Variants in USH2A observed in about 807,000 individuals in gnomAD.
The protein encoded by USH2A is usherin, also known as Usher syndrome 2A (autosomal recessive, mild).
A neutral mutation model predicts 538.9 loss-of-function variants in USH2A; 443 were observed. The observed-to-expected ratio is 0.82, with a 90% CI of 0.76 to 0.89. The LOEUF (loss-of-function observed/expected upper bound fraction) is 0.89. Ranked by LOEUF, USH2A falls within the 40% of genes least tolerant of loss-of-function variation. The pLI is 0.00. For synonymous variants in USH2A, 2,413 were observed against 2,273.5 expected (o/e 1.06, Z -1.75); for missense variants, 6,633 against 6,324.8 (o/e 1.05, Z -1.65).
At chr1:215,871,073 A>G (rs1664613530) in intron 43 of USH2A, among the ~76,000 whole-genome samples, 1 of 152,230 alleles carries the variant, frequency 6.6e-6, no homozygotes, top group Non-Finnish European at 1.5e-5. Context: ...TGATGTAGCC[A>G]GTAAAACCAA....
chr1:216,227,714 G>T (rs2035589569), intron 14 of USH2A, among the ~76,000 whole-genome samples: 1 of 152,168 alleles, frequency 6.6e-6, no homozygotes, highest in South Asian at 2.1e-4. Flanking sequence ...ACATATATCT[G>T]GCTTTATTTT....
chr1:216,383,342 C>T (rs937550585), intron 3 of USH2A, among the ~76,000 whole-genome samples: 13 of 152,056 alleles, frequency 8.5e-5, no homozygotes, highest in Non-Finnish European at 1.8e-4. Flanking sequence ...ATACTCTCAC[C>T]AAATAGAAAG....
intron 47 of USH2A, among the ~76,000 whole-genome samples, chr1:215,833,032 A>C (rs1426581310): frequency 6.6e-6 from 1 of 152,000 alleles, no homozygotes; most frequent in Non-Finnish European, 1.5e-5. Flanking sequence ...ATACTGGATT[A>C]TATAAAACAC....
chr1:216,420,015 A>G (rs1028039534), intron 2 of USH2A, among the ~76,000 whole-genome samples: 15 of 152,170 alleles, frequency 9.9e-5, no homozygotes, highest in African/African-American at 3.6e-4. Flanking sequence ...GATTTAGATG[A>G]CATAAAGGTT....
intron 20 of USH2A, among the ~76,000 whole-genome samples, chr1:216,177,514 C>CA (rs1268234566): frequency 2.0e-5 from 3 of 152,074 alleles, no homozygotes; most frequent in Admixed American, 2.0e-4. Flanking sequence ...CACAACGGTC[C>CA]AGGCAACTAA....
chr1:216,049,766 A>C (rs1374844446), intron 30 of USH2A, among the ~76,000 whole-genome samples: 1 of 152,138 alleles, frequency 6.6e-6, no homozygotes, highest in Non-Finnish European at 1.5e-5. Flanking sequence ...AGCAAAGACC[A>C]GTTCTTTGCT....
At chr1:216,376,370 T>C (rs1177527082) in intron 3 of USH2A, among the ~76,000 whole-genome samples, 1 of 151,970 alleles carries the variant, frequency 6.6e-6, no homozygotes, top group African/African-American at 2.4e-5. Context: ...TAGCAAAGTA[T>C]GAGAATATAG....
At chr1:215,681,948 C>A (rs1658244467) in intron 61 of USH2A, among the ~76,000 whole-genome samples, 1 of 152,128 alleles carries the variant, frequency 6.6e-6, no homozygotes, top group Admixed American at 6.5e-5. Flanking sequence ...ATACTAATTT[C>A]TCTTTTTTAA....
At chr1:216,167,429 A>G (rs2034192649) in intron 21 of USH2A, among the ~76,000 whole-genome samples, 1 of 152,140 alleles carries the variant, frequency 6.6e-6, no homozygotes. Context: ...AAGCATGCGC[A>G]CTAAGAGGCA....
chr1:216,102,513 T>G (rs1054729098), intron 21 of USH2A, among the ~76,000 whole-genome samples: 1 of 152,182 alleles, frequency 6.6e-6, no homozygotes, highest in African/African-American at 2.4e-5. Context: ...TAAGTTATAC[T>G]TGTGGGCCGG....
rs1214250403 is a variant in USH2A at position 216,231,248 on chromosome 1, A to ATT, written c.2993+703_2993+704dup. Among the ~76,000 whole-genome samples the ATT allele has an allele frequency of 2.6e-4, 14 of 54,562 alleles. 1 individual carries two copies. Among genetic ancestry groups the ATT allele is most frequent in the African/African-American group, 7.4e-4 (10 of 13,596 alleles). 35.8% of individuals were successfully genotyped at this position (54,562 alleles called of 152,430 possible). A position where few individuals can be genotyped will look rare whatever the true frequency, so the allele number is the denominator to read the frequency against. On this transcript the variant is annotated intron_variant, in intron 14 of 71. Coordinates refer to ENST00000307340, the MANE Select transcript of USH2A (RefSeq NM_206933.4). Reference sequence around the variant, plus strand: ...ACATATATCCCATATATATATATATATTATATATATAATATATATATATAA... The same window carrying ATT: ...ACATATATCCCATATATATATATATATTTTATATATATAATATATATATATAA...
At chr1:215,940,776 T>A (rs1430015840) in intron 37 of USH2A, among the ~76,000 whole-genome samples, 1 of 152,198 alleles carries the variant, frequency 6.6e-6, no homozygotes, top group African/African-American at 2.4e-5. Flanking sequence ...TTAGTTGTCA[T>A]CTAGTCAAAG....
intron 37 of USH2A, among the ~76,000 whole-genome samples, chr1:215,942,031 G>T (rs967246670): frequency 3.9e-5 from 6 of 152,196 alleles, no homozygotes; most frequent in Admixed American, 2.6e-4. Context: ...TGTGCTCAGG[G>T]TCTCAAAAGA....
chr1:216,040,773 C>T (rs552178280), intron 32 of USH2A, among the ~76,000 whole-genome samples: 2 of 151,772 alleles, frequency 1.3e-5, no homozygotes, highest in Admixed American at 6.6e-5. Flanking sequence ...TTCAATCTTT[C>T]GATTATGTTT....
At chr1:215,793,567 TCA>T (rs2102773013) in intron 50 of USH2A, among the ~76,000 whole-genome samples, 1 of 145,354 alleles carries the variant, frequency 6.9e-6, no homozygotes, top group African/African-American at 2.7e-5. Context: ...ATTACACTTT[TCA>T]AAAAAAAAAT....
chr1:216,182,152 A>G (rs1446578787), intron 20 of USH2A, among the ~76,000 whole-genome samples: 1 of 152,130 alleles, frequency 6.6e-6, no homozygotes, highest in Non-Finnish European at 1.5e-5. Flanking sequence ...GAGAAGAAAG[A>G]TACAGTTTGT....
At chr1:215,853,342 C>T (rs1479818836) in intron 44 of USH2A, among the ~76,000 whole-genome samples, 1 of 152,176 alleles carries the variant, frequency 6.6e-6, no homozygotes, top group Non-Finnish European at 1.5e-5. Context: ...TTAGGCTGCA[C>T]ACAGCATGGG....
intron 52 of USH2A, among the ~76,000 whole-genome samples, chr1:215,784,921 G>A (rs768731533): frequency 1.3e-5 from 2 of 152,106 alleles, no homozygotes; most frequent in African/African-American, 2.4e-5. Flanking sequence ...ATTACAAGGG[G>A]CAGATAAAAG....
At chr1:216,259,513 C>T (rs1196842680) in intron 11 of USH2A, among the ~76,000 whole-genome samples, 2 of 152,016 alleles carry the variant, frequency 1.3e-5, no homozygotes, top group South Asian at 2.1e-4. Flanking sequence ...CCCAGGAAGA[C>T]AAAACTAAGG....
Sources: gnomAD v4.1 joint callset for allele counts (sites outside exome capture counted in the v4.1 genomes callset) on GRCh38, gnomAD v4.1.1 for gene constraint, MANE v1.5 for transcripts, NCBI Gene and HGNC (gene_info 2026-07-23, HGNC 2026-07-21) for gene names.